TMEM132D: variants seen among roughly 807,000 people sequenced by gnomAD.
TMEM132D encodes mature OL transmembrane protein.
A neutral mutation model predicts 62.3 loss-of-function variants in TMEM132D; 21 were observed. The observed-to-expected ratio is 0.34, with a 90% CI of 0.24 to 0.49. The LOEUF is 0.49. TMEM132D is among the 20% of genes least tolerant of loss of function. The pLI, the probability that TMEM132D is intolerant of heterozygous loss-of-function variation, is 0.99. For missense variants in TMEM132D, 1,346 were observed against 1,402.8 expected (o/e 0.96, Z 0.65); for synonymous variants, 621 against 575.6 (o/e 1.08, Z -1.13).
At chr12:129,115,455 C>A (rs1402121248) in intron 5 of TMEM132D, among the ~76,000 whole-genome samples, 2 of 152,154 alleles carry the variant, frequency 1.3e-5, no homozygotes, top group African/African-American at 4.8e-5. Flanking sequence ...GAGAGAGGCA[C>A]TGCTTGTTCA....
At chr12:129,252,240 C>T (rs1359156880) in intron 4 of TMEM132D, among the ~76,000 whole-genome samples, 2 of 152,106 alleles carry the variant, frequency 1.3e-5, no homozygotes, top group African/African-American at 2.4e-5. Context: ...AACATACCAT[C>T]TCAGCCCAAT....
chr12:129,839,117 A>ATTTTTTTTT (rs71085578), intron 1 of TMEM132D, among the ~76,000 whole-genome samples: 2,256 of 20,688 alleles, frequency 0.11, 882 homozygotes, highest in Non-Finnish European at 0.14. Flanking sequence ...CGCCTGGCTA[A>ATTTTTTTTT]TTTTTTTTTT....
intron 5 of TMEM132D, among the ~76,000 whole-genome samples, chr12:129,196,192 C>A (rs991219022): frequency 6.6e-6 from 1 of 152,014 alleles, no homozygotes; most frequent in Admixed American, 6.6e-5. Context: ...AATATCAGAG[C>A]GAGGATTTAA....
chr12:129,668,391 G>A (rs1248100070), intron 2 of TMEM132D, among the ~76,000 whole-genome samples: 1 of 151,352 alleles, frequency 6.6e-6, no homozygotes, highest in Non-Finnish European at 1.5e-5. Flanking sequence ...GCTATAGACT[G>A]TTGTCATCCC....
chr12:129,074,879 G>A lies in TMEM132D; in HGVS notation c.2296C>T (p.Leu766=), dbSNP rs1316213263. The A allele has an allele frequency of 3.1e-6, 5 of 1,613,846 alleles. No homozygotes were observed. The highest frequency in any genetic ancestry group is 3.4e-6 in the Non-Finnish European group (4 of 1,180,020). The change falls in exon 9 of 9, where the codon CTG becomes TTG. Residue 766 remains leucine (L), a synonymous_variant. Coordinates refer to ENST00000422113, the MANE Select transcript of TMEM132D (RefSeq NM_133448.3). ...IAAETEGQGT[L]VKVEMVISES... is the part of the protein sequence containing the mutation. ...CTAATAACCATTTCCACCTTGACCAGGGTGCCTTGTCCTTCTGTTTCCGCA... is the reference window on the plus strand; with the variant it reads ...CTAATAACCATTTCCACCTTGACCAAGGTGCCTTGTCCTTCTGTTTCCGCA...
intron 3 of TMEM132D, among the ~76,000 whole-genome samples, chr12:129,424,856 C>T (rs1308069523): frequency 2.0e-5 from 3 of 151,998 alleles, no homozygotes; most frequent in Non-Finnish European, 2.9e-5. Context: ...ACTTTAAACT[C>T]GTCAACTTGT....
At chr12:129,752,124 T>A (rs962380995) in intron 1 of TMEM132D, among the ~76,000 whole-genome samples, 1 of 152,014 alleles carries the variant, frequency 6.6e-6, no homozygotes, top group African/African-American at 2.4e-5. Flanking sequence ...CCCCAGCCAT[T>A]CAGACAGGGA....
intron 2 of TMEM132D, among the ~76,000 whole-genome samples, chr12:129,606,505 G>A (rs922514022): frequency 5.9e-5 from 9 of 152,070 alleles, no homozygotes; most frequent in African/African-American, 7.2e-5. Flanking sequence ...GGCAAGTAAC[G>A]TAGCAACGAT....
At chr12:129,274,850 G>A (rs1045008283) in intron 4 of TMEM132D, among the ~76,000 whole-genome samples, 6 of 152,198 alleles carry the variant, frequency 3.9e-5, no homozygotes, top group African/African-American at 1.4e-4. Context: ...TAGCGCCACT[G>A]CACTCCAGCC....
intron 2 of TMEM132D, among the ~76,000 whole-genome samples, chr12:129,618,801 T>G (rs1878987563): frequency 6.6e-6 from 1 of 152,226 alleles, no homozygotes; most frequent in South Asian, 2.1e-4. Context: ...CAGGAGGTCC[T>G]GACATGTGCC....
At chr12:129,660,984 C>G (rs1050406116) in intron 2 of TMEM132D, among the ~76,000 whole-genome samples, 1 of 152,248 alleles carries the variant, frequency 6.6e-6, no homozygotes, top group South Asian at 2.1e-4. Flanking sequence ...TTTCCAAAAC[C>G]TAATGTATTT....
intron 1 of TMEM132D, among the ~76,000 whole-genome samples, chr12:129,811,329 G>A (rs1005042193): frequency 2.6e-5 from 4 of 151,596 alleles, no homozygotes; most frequent in Non-Finnish European, 5.9e-5. Context: ...CCTCCTTGGA[G>A]GCTCACACCC....
chr12:129,354,336 T>A (rs1869967420), intron 3 of TMEM132D, among the ~76,000 whole-genome samples: 1 of 148,290 alleles, frequency 6.7e-6, no homozygotes, highest in African/African-American at 2.5e-5. Context: ...TATATATACA[T>A]ATTTTGAGTC....
intron 2 of TMEM132D, among the ~76,000 whole-genome samples, chr12:129,658,278 C>T (rs1880146527): frequency 6.6e-6 from 1 of 152,176 alleles, no homozygotes; most frequent in Admixed American, 6.5e-5. Context: ...TTGCAAATAA[C>T]TTAGATAAAG....
At chr12:129,426,901 C>A (rs920216068) in intron 3 of TMEM132D, among the ~76,000 whole-genome samples, 1 of 152,200 alleles carries the variant, frequency 6.6e-6, no homozygotes, top group African/African-American at 2.4e-5. Context: ...CTCATTCTCA[C>A]CCGTGGCCTC....
chr12:129,800,187 AG>A (rs1871719604), intron 1 of TMEM132D, among the ~76,000 whole-genome samples: 1 of 152,156 alleles, frequency 6.6e-6, no homozygotes, highest in South Asian at 2.1e-4. Context: ...TGCCCCAGAA[AG>A]GACGTGGATT....
At chr12:129,479,040 C>A (rs142507539) in intron 3 of TMEM132D, among the ~76,000 whole-genome samples, 79 of 152,300 alleles carry the variant, frequency 5.2e-4, no homozygotes, top group African/African-American at 1.8e-3. Flanking sequence ...ACTTCTAGTG[C>A]ATGATTTTGT....
intron 4 of TMEM132D, among the ~76,000 whole-genome samples, chr12:129,302,161 C>T (rs1434265577): frequency 6.6e-6 from 1 of 152,234 alleles, no homozygotes; most frequent in Non-Finnish European, 1.5e-5. Flanking sequence ...TCTTGCCAGG[C>T]TGGCGTGCAA....
intron 1 of TMEM132D, among the ~76,000 whole-genome samples, chr12:129,835,009 G>C (rs1320421725): frequency 1.3e-5 from 2 of 152,134 alleles, no homozygotes; most frequent in Non-Finnish European, 2.9e-5. Context: ...AGGTAAAAAA[G>C]GAAGCCAGGA....
Sources: allele counts gnomAD v4.1 joint callset (sites outside exome capture counted in the v4.1 genomes callset), GRCh38; gene constraint gnomAD v4.1.1; transcripts MANE v1.5; gene names NCBI Gene and HGNC (gene_info 2026-07-23, HGNC 2026-07-21).